Variants in GNAT1 observed in about 807,000 individuals in gnomAD.
GNAT1 encodes the protein G protein subunit alpha transducin 1, also known as guanine nucleotide-binding protein G(t) subunit alpha-1.
In GNAT1, 36 loss-of-function variants were observed where a neutral mutation model predicts 40.0. That is an observed-to-expected ratio of 0.90 (90% CI 0.69 to 1.19). GNAT1 has a LOEUF of 1.19. Among genes scored for constraint, GNAT1 ranks in the 50% most tolerant of loss-of-function variants. The pLI, the probability that GNAT1 is intolerant of heterozygous loss-of-function variation, is 0.00. For missense variants in GNAT1, 413 were observed against 480.6 expected (o/e 0.86, Z 1.32); for synonymous variants, 195 against 192.9 (o/e 1.01, Z -0.09).
rs369148132 is a variant in GNAT1 at position 50,193,718 on chromosome 3, G to C, written c.450-35G>C. 1 of 1,599,220 alleles carries C rather than the reference G, an allele frequency of 6.3e-7. No homozygotes were observed. Among genetic ancestry groups the C allele is most frequent in the South Asian group, 1.1e-5 (1 of 90,118 alleles). On this transcript the variant is annotated intron_variant, in intron 4 of 8. Transcript: ENST00000232461. The surrounding 1 kb of genome is among the most constrained non-coding windows in gnomAD (Gnocchi z 8.1). Reference sequence around the variant, plus strand: ...GCGCGGGGCGCAGGGGGCCCTCCACGCCTCCCCACCCACCTACGGCCGGGT... The same window carrying C: ...GCGCGGGGCGCAGGGGGCCCTCCACCCCTCCCCACCCACCTACGGCCGGGT...
In GNAT1 at chr3:50,197,665, T is replaced by C. The variant is rs942271590; in HGVS notation, c.*2399T>C. Among the ~76,000 whole-genome samples the C allele has an allele frequency of 6.6e-6, 1 of 152,206 alleles. No homozygotes were observed. The highest frequency in any genetic ancestry group is 6.5e-5 in the Admixed American group (1 of 15,276). ...TCTGCCTTTTGGCTATTGTGAATAA[T>C]GCTGCTATGAACATGGGTGTACAAA... On this transcript the variant is annotated 3_prime_UTR_variant, in exon 9 of 9. Transcript: ENST00000232461.
At position 50,191,841 on chromosome 3, in the gene GNAT1, TG is replaced by T. The variant is rs1699416387; in HGVS notation, c.106+13del. ...AAGCTGCTGCTTCTGGGTAGGGGTGTGGGCCCAGGTGGGGCCACTGCCACCA... is the reference window on the plus strand; with the variant it reads ...AAGCTGCTGCTTCTGGGTAGGGGTGTGGCCCAGGTGGGGCCACTGCCACCA... On this transcript the variant is annotated intron_variant, in intron 1 of 8. Transcript: ENST00000232461. 6.4e-7 allele frequency: 1 copy of T among 1,561,398 alleles called. No homozygotes were observed. The highest frequency in any genetic ancestry group is 1.4e-5 in the African/African-American group (1 of 73,910).
chr3:50,192,791 G>A, intron 1 of GNAT1: 1 of 480,458 alleles, frequency 2.1e-6, no homozygotes, highest in Admixed American at 3.4e-5. Context: ...CCCACGAGGT[G>A]GCGATGACGC....
Position 50,191,807 on chromosome 3 carries a change from C to A in GNAT1, c.82C>A (p.Arg28=), listed in dbSNP as rs774214573. The A allele has an allele frequency of 1.2e-6, 2 of 1,613,302 alleles. No homozygotes were observed. Among genetic ancestry groups the A allele is most frequent in the South Asian group, 2.2e-5 (2 of 91,038 alleles). ...KLKEDAEKDA[R]TVKLLLLGAG... is the part of the protein sequence containing the mutation. ...GAAAGAGGACGCTGAGAAGGATGCT[C>A]GAACCGTGAAGCTGCTGCTTCTGGG... Residue 28 remains arginine (R), a synonymous_variant, in exon 1 of 9, where the codon CGA becomes AGA. Coordinates refer to ENST00000232461, the MANE Select transcript of GNAT1 (RefSeq NM_144499.3).
At chr3:50,191,939 G>T in intron 1 of GNAT1, 108 bp downstream of exon 1, 1 of 763,024 alleles carries the variant, frequency 1.3e-6, no homozygotes, top group South Asian at 1.5e-5. Context: ...GTATGAGCCT[G>T]TGACAGAGTA....
Position 50,191,850 on chromosome 3 carries a change from G to C in GNAT1, c.106+19G>C, listed in dbSNP as rs1473540766. ...CTTCTGGGTAGGGGTGTGGGCCCAGGTGGGGCCACTGCCACCAGGTCATTG... is the reference window on the plus strand; with the variant it reads ...CTTCTGGGTAGGGGTGTGGGCCCAGCTGGGGCCACTGCCACCAGGTCATTG... On this transcript the variant is annotated intron_variant, in intron 1 of 8. Transcript: ENST00000232461. 4 of 1,495,856 alleles carry C rather than the reference G, an allele frequency of 2.7e-6. No homozygotes were observed. In the African/African-American group the frequency reaches 4.1e-5, roughly 15 times the overall value. 92.7% of individuals were successfully genotyped at this position (1,495,856 alleles called of 1,614,324 possible).
In GNAT1 at chr3:50,193,563, AAGG is replaced by A; in HGVS notation, c.352_354del (p.Glu118del). 6.2e-7 allele frequency: 1 copy of A among 1,613,236 alleles called. No homozygotes were observed. The highest frequency in any genetic ancestry group is 1.1e-5 in the South Asian group (1 of 91,088). On this transcript the variant is annotated inframe_deletion, in exon 4 of 9. Transcript: ENST00000232461. This position sits in a 1 kb window ranked among gnomAD's most constrained non-coding sequence, Gnocchi z 8.1. ...CACTATCGAGGAGGGCACGATGCCC[AAGG>A]AGATGTCGGACATCATCCAGCGGCT...
Position 50,194,888 on chromosome 3 carries a change from A to G in GNAT1, c.986A>G (p.Lys329Arg). Residue 329 changes from lysine to arginine, a missense_variant, in exon 8 of 9, where the codon AAA becomes AGA. By Grantham distance (26) the Lys-to-Arg change is conservative. Transcript: ENST00000232461. The surrounding 1 kb of genome is among the most constrained non-coding windows in gnomAD (Gnocchi z 6.1). ...MTCATDTQNV[K>R]FVFDAVTDII... ...TGCGCCACCGACACGCAGAACGTCAAATTTGTCTTCGACGCTGTCACCGAC... is the reference window on the plus strand; with the variant it reads ...TGCGCCACCGACACGCAGAACGTCAGATTTGTCTTCGACGCTGTCACCGAC... The G allele has an allele frequency of 6.2e-7, 1 of 1,613,960 alleles. No homozygotes were observed. Among genetic ancestry groups the G allele is most frequent in the Non-Finnish European group, 8.5e-7 (1 of 1,179,954 alleles).
chr3:50,194,852 C>T lies in GNAT1; in HGVS notation c.950C>T (p.Ser317Phe). Reference sequence around the variant, plus strand: ...CGGCGCGACGTGAAGGAGATCTATTCCCACATGACGTGCGCCACCGACACG... The same window carrying T: ...CGGCGCGACGTGAAGGAGATCTATTTCCACATGACGTGCGCCACCGACACG... Reference protein sequence around the residue: ...NMRRDVKEIYSHMTCATDTQN... With the variant: ...NMRRDVKEIYFHMTCATDTQN... Residue 317 changes from serine (S) to phenylalanine (F), a missense_variant, in exon 8 of 9, where the codon TCC becomes TTC. Ser to Phe is a radical substitution (Grantham distance 155). Coordinates refer to ENST00000232461, the MANE Select transcript of GNAT1 (RefSeq NM_144499.3). The surrounding 1 kb of genome is among the most constrained non-coding windows in gnomAD (Gnocchi z 6.1). 6.2e-7 allele frequency: 1 copy of T among 1,613,856 alleles called. No individual in the cohort carries two copies. Among genetic ancestry groups the T allele is most frequent in the Non-Finnish European group, 8.5e-7 (1 of 1,179,890 alleles).
At position 50,194,734 on chromosome 3, in the gene GNAT1, C is replaced by T; in HGVS notation, c.863-31C>T. 6.2e-7 allele frequency: 1 copy of T among 1,612,590 alleles called. No individual in the cohort carries two copies. Among genetic ancestry groups the T allele is most frequent in the East Asian group, 2.2e-5 (1 of 44,878 alleles). On this transcript the variant is annotated intron_variant, in intron 7 of 8. Transcript: ENST00000232461. This position sits in a 1 kb window ranked among gnomAD's most constrained non-coding sequence, Gnocchi z 6.1. ...CACCCCCCGCACGGGGAAGGAAGGG[C>T]TGAGCAGAGTGAGAGCTCCCGCCCC...
Position 50,191,698 on chromosome 3 carries a change from C to A in GNAT1, c.-28C>A. 1 of 1,533,718 alleles carries A rather than the reference C, an allele frequency of 6.5e-7. No individual in the cohort carries two copies. On this transcript the variant is annotated 5_prime_UTR_variant, in exon 1 of 9. Coordinates refer to ENST00000232461, the MANE Select transcript of GNAT1 (RefSeq NM_144499.3). ...TCCATCCAGAAGAACCACCTGCTCA[C>A]TCTGTCCCTTCGCCTGCTGCTGGGA...
chr3:50,191,866 C>G, intron 1 of GNAT1, 35 bp downstream of exon 1: 1 of 1,369,508 alleles, frequency 7.3e-7, no homozygotes, highest in Non-Finnish European at 1.0e-6. Flanking sequence ...CCACTGCCAC[C>G]AGGTCATTGG....
Position 50,194,620 on chromosome 3 carries a change from G to A in GNAT1, c.828G>A (p.Lys276=). The A allele has an allele frequency of 1.2e-6, 2 of 1,613,626 alleles. No individual in the cohort carries two copies. The highest frequency in any genetic ancestry group is 1.7e-5 in the Admixed American group (1 of 60,030). ...KKDVFFEKIK[K]AHLSICFPDY... The stretch of plus-strand genomic sequence containing the variant: ...ACGTCTTCTTCGAGAAGATCAAGAA[G>A]GCGCACCTCAGCATCTGTTTCCCGG... Residue 276 remains lysine (K), a synonymous_variant, in exon 7 of 9, where the codon AAG becomes AAA. Coordinates refer to ENST00000232461, the MANE Select transcript of GNAT1 (RefSeq NM_144499.3). This position sits in a 1 kb window ranked among gnomAD's most constrained non-coding sequence, Gnocchi z 6.1.
chr3:50,192,491 C>G (rs1341042431), intron 1 of GNAT1, among the ~76,000 whole-genome samples: 1 of 152,252 alleles, frequency 6.6e-6, no homozygotes, highest in Non-Finnish European at 1.5e-5. Flanking sequence ...AAAGCAGCTT[C>G]AAGAGGGGCT....
Position 50,194,814 on chromosome 3 carries a change from C to G in GNAT1, c.912C>G (p.Leu304=). ...GCAACTACATCAAGGTGCAGTTCCT[C>G]GAGCTCAACATGCGGCGCGACGTGA... is the stretch of plus-strand genomic sequence containing the variant. ...DAGNYIKVQF[L]ELNMRRDVKE... is the part of the protein sequence containing the mutation. The change falls in exon 8 of 9, where the codon CTC becomes CTG. Residue 304 remains leucine, a synonymous_variant. Transcript: ENST00000232461. The surrounding 1 kb of genome is among the most constrained non-coding windows in gnomAD (Gnocchi z 6.1). 6.2e-7 allele frequency: 1 copy of G among 1,613,996 alleles called. No individual in the cohort carries two copies. The highest frequency in any genetic ancestry group is 8.5e-7 in the Non-Finnish European group (1 of 1,180,018).
At chr3:50,192,545 T>G (rs1305648026) in intron 1 of GNAT1, 10 of 178,158 alleles carry the variant, frequency 5.6e-5, no homozygotes, top group Admixed American at 1.1e-4. Flanking sequence ...TGGAGGTGGG[T>G]GAGGGACCAA....
Position 50,193,474 on chromosome 3 carries a change from G to A in GNAT1, c.292-32G>A. 1 of 1,603,426 alleles carries A rather than the reference G, an allele frequency of 6.2e-7. No individual in the cohort carries two copies. The highest frequency in any genetic ancestry group is 8.5e-7 in the Non-Finnish European group (1 of 1,176,692). On this transcript the variant is annotated intron_variant, in intron 3 of 8. Transcript: ENST00000232461. This position sits in a 1 kb window ranked among gnomAD's most constrained non-coding sequence, Gnocchi z 8.1. ...GCTCGCGGCTGGGCCCGAGTCCCTG[G>A]CCGCCACCAGCCACTCTCACCCTGC...
In GNAT1 at chr3:50,193,579, T is replaced by G. The variant is rs1453636003; in HGVS notation, c.365T>G (p.Ile122Ser). ...ACGATGCCCAAGGAGATGTCGGACA[T>G]CATCCAGCGGCTGTGGAAGGACTCC... is the stretch of plus-strand genomic sequence containing the variant. ...EGTMPKEMSD[I>S]IQRLWKDSGI... is the part of the protein sequence containing the mutation. Residue 122 changes from isoleucine (I) to serine (S), a missense_variant, in exon 4 of 9, where the codon ATC becomes AGC. By Grantham distance (142) the Ile-to-Ser change is moderately radical. Coordinates refer to ENST00000232461, the MANE Select transcript of GNAT1 (RefSeq NM_144499.3). This position sits in a 1 kb window ranked among gnomAD's most constrained non-coding sequence, Gnocchi z 8.1. 3 of 1,613,096 alleles carry G rather than the reference T, an allele frequency of 1.9e-6. No homozygotes were observed. The highest frequency in any genetic ancestry group is 2.5e-6 in the Non-Finnish European group (3 of 1,179,874).
At position 50,195,976 on chromosome 3, in the gene GNAT1, T is replaced by G. The variant is rs1465429070; in HGVS notation, c.*710T>G. ...CTTCTCCAGCAGGATCTGCTCCCTG[T>G]GTCCTTGGACAGCAGATCCACACAC... On this transcript the variant is annotated 3_prime_UTR_variant, in exon 9 of 9. Coordinates refer to ENST00000232461, the MANE Select transcript of GNAT1 (RefSeq NM_144499.3). The G allele has an allele frequency of 6.6e-6, 1 of 152,584 alleles. No individual in the cohort carries two copies. The highest frequency in any genetic ancestry group is 2.4e-5 in the African/African-American group (1 of 41,440). The allele number at this position is 152,584 out of a possible 1,614,324, so 9.5% of individuals were successfully genotyped here. A position where few individuals can be genotyped will look rare whatever the true frequency, so the allele number is the denominator to read the frequency against.
Sources: allele counts gnomAD v4.1 joint callset (sites outside exome capture counted in the v4.1 genomes callset), GRCh38; gene constraint gnomAD v4.1.1; non-coding constraint Gnocchi (gnomAD v3.1); transcripts MANE v1.5; gene names NCBI Gene and HGNC (gene_info 2026-07-23, HGNC 2026-07-21).